Variants in CTNNA3 observed in about 807,000 individuals in gnomAD.
CTNNA3 encodes the protein catenin alpha-3.
Under a neutral mutation model 95.7 loss-of-function variants are expected in CTNNA3, and 76 were observed. The observed-to-expected ratio is 0.79, with a 90% CI of 0.66 to 0.96. The LOEUF is 0.96. CTNNA3 is among the 40% of genes least tolerant of loss of function. CTNNA3 has a pLI of 0.00. For synonymous variants in CTNNA3, 431 were observed against 374.4 expected, an observed-to-expected ratio of 1.15 and a Z score of -1.74; for missense variants, 1,191 against 1,089.8, an observed-to-expected ratio of 1.09 and a Z score of -1.31.
Position 67,726,423 on chromosome 10 carries a change from A to AT in CTNNA3, c.-2+37010dup, listed in dbSNP as rs1456749199. Among the ~76,000 whole-genome samples the AT allele has an allele frequency of 2.4e-4, 9 of 38,226 alleles. 1 individual carries two copies. Among genetic ancestry groups the AT allele is most frequent in the East Asian group, 1.1e-3 (1 of 932 alleles). 25.1% of individuals were successfully genotyped at this position (38,226 alleles called of 152,430 possible). ...TATATTATATCATATATAATATTAT[A>AT]TATTATATCATATATAATATATAAT... is the stretch of plus-strand genomic sequence containing the variant. On this transcript the variant is annotated intron_variant, in intron 1 of 17. Coordinates refer to the CTNNA3 transcript ENST00000684154.
chr10:67,314,892 C>T (rs935867386), intron 5 of CTNNA3, among the ~76,000 whole-genome samples: 12 of 152,142 alleles, frequency 7.9e-5, no homozygotes, highest in African/African-American at 2.7e-4. Context: ...TTTTTATCAG[C>T]GACCCAAATG....
chr10:67,731,922 G>A (rs528159582), intron 1 of CTNNA3, among the ~76,000 whole-genome samples: 3 of 145,334 alleles, frequency 2.1e-5, no homozygotes, highest in Non-Finnish European at 4.5e-5. Flanking sequence ...CACCAAGCCC[G>A]GCTAATTTTT....
chr10:67,230,894 A>G (rs1201274454), intron 5 of CTNNA3, among the ~76,000 whole-genome samples: 1 of 152,098 alleles, frequency 6.6e-6, no homozygotes, highest in African/African-American at 2.4e-5. Flanking sequence ...TCCCTTTCCT[A>G]GTCAAAGAGA....
At chr10:66,946,248 C>G (rs1168074716) in intron 7 of CTNNA3, among the ~76,000 whole-genome samples, 1 of 152,050 alleles carries the variant, frequency 6.6e-6, no homozygotes, top group Non-Finnish European at 1.5e-5. Flanking sequence ...GAATTGGAAT[C>G]CAATGATAAT....
At chr10:66,874,962 G>T (rs937294266) in intron 7 of CTNNA3, among the ~76,000 whole-genome samples, 1 of 152,126 alleles carries the variant, frequency 6.6e-6, no homozygotes, top group East Asian at 1.9e-4. Flanking sequence ...TTTAGCCAAG[G>T]TTCACGCAAA....
At chr10:66,349,086 A>G (rs2092547370) in intron 12 of CTNNA3, among the ~76,000 whole-genome samples, 1 of 152,088 alleles carries the variant, frequency 6.6e-6, no homozygotes, top group Non-Finnish European at 1.5e-5. Flanking sequence ...ACAATTCGTT[A>G]CATAAGATTA....
intron 7 of CTNNA3, among the ~76,000 whole-genome samples, chr10:66,913,708 G>A (rs886190538): frequency 7.9e-5 from 12 of 152,088 alleles, no homozygotes; most frequent in African/African-American, 2.7e-4. Flanking sequence ...CCAGAAGTAG[G>A]GGTCACAAAA....
intron 7 of CTNNA3, among the ~76,000 whole-genome samples, chr10:66,904,171 G>A (rs868035546): frequency 5.3e-5 from 8 of 152,092 alleles, no homozygotes; most frequent in Middle Eastern, 3.2e-3. Context: ...TACCAAAACA[G>A]ATATATAGAC....
chr10:67,375,725 T>C (rs1434457409), intron 5 of CTNNA3, among the ~76,000 whole-genome samples: 2 of 152,190 alleles, frequency 1.3e-5, no homozygotes, highest in African/African-American at 2.4e-5. Context: ...CTCTACTTCA[T>C]TGAAGGTGGT....
At chr10:67,137,153 G>C (rs1294202707) in intron 7 of CTNNA3, among the ~76,000 whole-genome samples, 1 of 152,158 alleles carries the variant, frequency 6.6e-6, no homozygotes, top group South Asian at 2.1e-4. Flanking sequence ...GTAACAGTAA[G>C]TGTTGCATGA....
intron 7 of CTNNA3, among the ~76,000 whole-genome samples, chr10:66,862,682 G>T (rs973651685): frequency 1.3e-5 from 2 of 152,182 alleles, no homozygotes; most frequent in Non-Finnish European, 1.5e-5. Flanking sequence ...AGTAGTAAAA[G>T]ATGAAATTCG....
intron 10 of CTNNA3, among the ~76,000 whole-genome samples, chr10:66,526,023 C>T (rs1177327988): frequency 2.6e-5 from 4 of 152,110 alleles, no homozygotes. Context: ...ACAGTATGTA[C>T]ATACTATGTT....
chr10:66,298,697 T>C, intron 12 of CTNNA3, among the ~76,000 whole-genome samples: 1 of 152,190 alleles, frequency 6.6e-6, no homozygotes, highest in Non-Finnish European at 1.5e-5. Flanking sequence ...ATAGTATCTA[T>C]AGACAGAGAG....
chr10:67,063,303 A>G (rs567421891), intron 7 of CTNNA3, among the ~76,000 whole-genome samples: 16 of 152,324 alleles, frequency 1.1e-4, no homozygotes, highest in African/African-American at 3.4e-4. Context: ...TGTTGCATTA[A>G]ATGATTTTGG....
At chr10:66,407,430 A>C (rs1224996511) in intron 11 of CTNNA3, among the ~76,000 whole-genome samples, 1 of 152,114 alleles carries the variant, frequency 6.6e-6, no homozygotes, top group Non-Finnish European at 1.5e-5. Flanking sequence ...GATGATAATA[A>C]TAATAATAAT....
chr10:66,267,495 A>G (rs2091184949), intron 13 of CTNNA3, among the ~76,000 whole-genome samples: 1 of 152,152 alleles, frequency 6.6e-6, no homozygotes, highest in African/African-American at 2.4e-5. Context: ...ATTACTTATC[A>G]CAATGTATTC....
At chr10:66,199,644 C>T (rs141457233) in intron 13 of CTNNA3, among the ~76,000 whole-genome samples, 8 of 149,818 alleles carry the variant, frequency 5.3e-5, no homozygotes, top group African/African-American at 1.7e-4. Flanking sequence ...CTCTGCCGTC[C>T]CGGCTGGAGT....
intron 3 of CTNNA3, among the ~76,000 whole-genome samples, chr10:67,595,403 T>C (rs550815748): frequency 6.6e-6 from 1 of 152,338 alleles, no homozygotes; most frequent in Non-Finnish European, 1.5e-5. Flanking sequence ...CCAAAAGTCA[T>C]TCAGGAGCAC....
chr10:66,555,488 T>C (rs1842362487), intron 10 of CTNNA3, among the ~76,000 whole-genome samples: 1 of 152,118 alleles, frequency 6.6e-6, no homozygotes, highest in South Asian at 2.1e-4. Context: ...TACATGAAAT[T>C]CAAGTGTAAC....
Sources: gnomAD v4.1 joint callset for allele counts (sites outside exome capture counted in the v4.1 genomes callset) on GRCh38, gnomAD v4.1.1 for gene constraint, MANE v1.5 for transcripts, NCBI Gene and HGNC (gene_info 2026-07-23, HGNC 2026-07-21) for gene names.